XKR4: variants seen among roughly 807,000 people sequenced by gnomAD.
The protein encoded by XKR4 is XK-related protein 4.
A neutral mutation model predicts 53.9 loss-of-function variants in XKR4; 12 were observed. That is an observed-to-expected ratio of 0.22 (90% CI 0.14 to 0.36). XKR4 has a LOEUF of 0.36. Among genes scored for constraint, XKR4 ranks in the 10% least tolerant of loss-of-function variants. The pLI is 1.00. For synonymous variants in XKR4, 354 were observed against 362.4 expected, an observed-to-expected ratio of 0.98 and a Z score of 0.26; for missense variants, 799 against 859.5, an observed-to-expected ratio of 0.93 and a Z score of 0.88.
intron 1 of XKR4, among the ~76,000 whole-genome samples, chr8:55,236,594 A>T (rs143267059): frequency 6.8e-4 from 104 of 152,132 alleles, no homozygotes; most frequent in African/African-American, 2.4e-3. Flanking sequence ...GGGTGACCAG[A>T]CTCAATTGTC....
intron 1 of XKR4, among the ~76,000 whole-genome samples, chr8:55,189,459 G>A (rs939669715): frequency 6.6e-6 from 1 of 152,196 alleles, no homozygotes; most frequent in African/African-American, 2.4e-5. Flanking sequence ...AACCTGGATG[G>A]TAGCACCTCC....
At chr8:55,450,286 T>A in intron 2 of XKR4, 1 of 704,700 alleles carries the variant, frequency 1.4e-6, no homozygotes, top group Non-Finnish European at 2.4e-6. Context: ...CAGTTCCCAG[T>A]CATAGGGAGG....
chr8:55,217,209 T>C (rs918144865), intron 1 of XKR4, among the ~76,000 whole-genome samples: 66 of 123,164 alleles, frequency 5.4e-4, no homozygotes, highest in African/African-American at 2.0e-3. Context: ...GCCACTGCAC[T>C]CCAGCCTGGG....
At chr8:55,314,833 C>T (rs1819448378) in intron 1 of XKR4, among the ~76,000 whole-genome samples, 2 of 152,150 alleles carry the variant, frequency 1.3e-5, no homozygotes, top group African/African-American at 4.8e-5. Flanking sequence ...GGATAAACTA[C>T]ATTCAAGAAG....
At chr8:55,116,407 A>G (rs1326038635) in intron 1 of XKR4, among the ~76,000 whole-genome samples, 1 of 152,164 alleles carries the variant, frequency 6.6e-6, no homozygotes, top group Non-Finnish European at 1.5e-5. Context: ...TCCCCTCCTC[A>G]CAGTGACCCC....
chr8:55,188,249 C>G (rs1227093799), intron 1 of XKR4, among the ~76,000 whole-genome samples: 1 of 152,128 alleles, frequency 6.6e-6, no homozygotes, highest in African/African-American at 2.4e-5. Context: ...GAGTAATAGT[C>G]ATGTTTATTG....
chr8:55,481,516 C>T (rs1035754760), intron 2 of XKR4, among the ~76,000 whole-genome samples: 3 of 152,130 alleles, frequency 2.0e-5, no homozygotes, highest in Non-Finnish European at 4.4e-5. Flanking sequence ...ACATCAAAAG[C>T]AATGGCAACA....
intron 2 of XKR4, among the ~76,000 whole-genome samples, chr8:55,487,373 A>G (rs551327012): frequency 6.6e-6 from 1 of 152,274 alleles, no homozygotes; most frequent in African/African-American, 2.4e-5. Flanking sequence ...CTTTCTCCAC[A>G]TAGTCCACTC....
intron 2 of XKR4, chr8:55,450,464 C>T (rs1028997960): frequency 1.2e-5 from 7 of 593,730 alleles, no homozygotes; most frequent in Non-Finnish European, 1.9e-5. Context: ...CAGCTGGCTC[C>T]TGCGCTGCCC....
intron 2 of XKR4, among the ~76,000 whole-genome samples, chr8:55,462,296 C>A (rs1351337135): frequency 5.3e-5 from 8 of 152,192 alleles, no homozygotes; most frequent in Admixed American, 5.2e-4. Context: ...CTCTACAAAC[C>A]AGAAGAGAGT....
intron 1 of XKR4, among the ~76,000 whole-genome samples, chr8:55,306,985 A>C (rs1819310453): frequency 6.6e-6 from 1 of 152,076 alleles, no homozygotes; most frequent in Non-Finnish European, 1.5e-5. Flanking sequence ...CTATACACAA[A>C]TTAGATCAAT....
At chr8:55,259,905 ACT>A (rs1818494492) in intron 1 of XKR4, among the ~76,000 whole-genome samples, 1 of 151,434 alleles carries the variant, frequency 6.6e-6, no homozygotes. Context: ...CACACCACAC[ACT>A]CACCCACCCA....
chr8:55,472,806 G>T (rs1805909971), intron 2 of XKR4, among the ~76,000 whole-genome samples: 1 of 152,022 alleles, frequency 6.6e-6, no homozygotes, highest in Non-Finnish European at 1.5e-5. Flanking sequence ...AAGAATAATG[G>T]GGGGTGAGGA....
chr8:55,493,617 T>C (rs1473927031), intron 2 of XKR4, among the ~76,000 whole-genome samples: 2 of 152,226 alleles, frequency 1.3e-5, no homozygotes, highest in African/African-American at 4.8e-5. Flanking sequence ...GCTATGGCTT[T>C]AATGACTCTA....
intron 1 of XKR4, among the ~76,000 whole-genome samples, chr8:55,342,660 G>A (rs1803571964): frequency 6.6e-6 from 1 of 152,106 alleles, no homozygotes; most frequent in Admixed American, 6.6e-5. Context: ...TGCCTGGAAT[G>A]TTCTTCCAGA....
At chr8:55,255,316 G>A (rs1211773943) in intron 1 of XKR4, among the ~76,000 whole-genome samples, 5 of 152,102 alleles carry the variant, frequency 3.3e-5, no homozygotes, top group African/African-American at 4.8e-5. Flanking sequence ...AACATAGAAA[G>A]TGCCTACAAC....
At chr8:55,161,307 G>GA (rs199727040) in intron 1 of XKR4, among the ~76,000 whole-genome samples, 4,087 of 151,784 alleles carry the variant, frequency 0.027, 143 homozygotes, top group East Asian at 0.11. Flanking sequence ...ATCTTTCCCA[G>GA]AAAAAAAAGA....
At chr8:55,420,590 A>T (rs919963224) in intron 2 of XKR4, among the ~76,000 whole-genome samples, 5 of 141,262 alleles carry the variant, frequency 3.5e-5, no homozygotes, top group African/African-American at 1.1e-4. Flanking sequence ...AACAATGAGA[A>T]CACATGGACA....
intron 1 of XKR4, among the ~76,000 whole-genome samples, chr8:55,124,507 C>T (rs6987010): frequency 0.032 from 4,939 of 152,260 alleles, 253 homozygotes; most frequent in African/African-American, 0.11. Flanking sequence ...GGTATCTCCT[C>T]GCATTCAGTT....
Sources: allele counts gnomAD v4.1 joint callset (sites outside exome capture counted in the v4.1 genomes callset), GRCh38; gene constraint gnomAD v4.1.1; transcripts MANE v1.5; gene names NCBI Gene and HGNC (gene_info 2026-07-23, HGNC 2026-07-21).